The following IQCK variants were observed in gnomAD, a reference collection of about 807,000 sequenced individuals.
IQCK encodes the protein IQ motif containing K.
IQCK carries 29 observed loss-of-function variants against 28.1 expected under a neutral mutation model. That is an observed-to-expected ratio of 1.03 (90% CI 0.77 to 1.41). The LOEUF (loss-of-function observed/expected upper bound fraction) is 1.41, where lower values mean the gene tolerates loss of function less well. IQCK is among the 40% of genes most tolerant of loss of function. The pLI is 0.00. For synonymous variants in IQCK, 113 were observed against 115.1 expected, an observed-to-expected ratio of 0.98 and a Z score of 0.12; for missense variants, 359 against 314.7, an observed-to-expected ratio of 1.14 and a Z score of -1.07.
intron 6 of IQCK, among the ~76,000 whole-genome samples, chr16:19,776,186 G>A (rs990965124): frequency 6.6e-6 from 1 of 151,974 alleles, no homozygotes; most frequent in African/African-American, 2.4e-5. Context: ...TGGCCCACAG[G>A]CATATTTCTA....
At chr16:19,777,403 GATTATA>G (rs901350992) in intron 6 of IQCK, among the ~76,000 whole-genome samples, 79 of 152,226 alleles carry the variant, frequency 5.2e-4, no homozygotes, top group African/African-American at 1.9e-3. Flanking sequence ...TCGTACTAAA[GATTATA>G]ATTAAATGGT....
intron 4 of IQCK, among the ~76,000 whole-genome samples, chr16:19,749,878 A>G (rs566479249): frequency 2.0e-4 from 31 of 152,144 alleles, no homozygotes; most frequent in Non-Finnish European, 4.0e-4. Context: ...GTCTAGTATA[A>G]AGGAAGCTGA....
chr16:19,849,836 G>A (rs910108716), intron 9 of IQCK, among the ~76,000 whole-genome samples: 5 of 152,084 alleles, frequency 3.3e-5, no homozygotes, highest in Non-Finnish European at 7.4e-5. Flanking sequence ...ATTAAATGAA[G>A]GAGCCCAGTT....
chr16:19,726,136 G>C (rs539974247), intron 1 of IQCK, among the ~76,000 whole-genome samples: 1 of 151,746 alleles, frequency 6.6e-6, no homozygotes, highest in Non-Finnish European at 1.5e-5. Flanking sequence ...CGATGGTCTC[G>C]ATCTCCTGAC....
chr16:19,758,032 G>T (rs901081650), intron 4 of IQCK, among the ~76,000 whole-genome samples: 3 of 152,018 alleles, frequency 2.0e-5, no homozygotes, highest in African/African-American at 7.2e-5. Flanking sequence ...TTTAAACCTT[G>T]TTAGAGGCTG....
chr16:19,856,130 G>A (rs1387923110), intron 9 of IQCK, among the ~76,000 whole-genome samples: 1 of 152,230 alleles, frequency 6.6e-6, no homozygotes, highest in Non-Finnish European at 1.5e-5. Context: ...GGAGAACAGG[G>A]TGTGTGGTGA....
Position 19,777,605 on chromosome 16 carries a change from A to G in IQCK, c.606-11233A>G, listed in dbSNP as rs77497443. 3.7e-3 allele frequency among the ~76,000 whole-genome samples: 557 copies of G among 152,306 alleles called. 21 individuals carry two copies. The East Asian group carries it at 0.048, about 13-fold the overall frequency. On this transcript the variant is annotated intron_variant, in intron 6 of 7. Transcript: ENST00000564186. The stretch of plus-strand genomic sequence containing the variant: ...TCATCTTCAAATAGAGGGAGGAAGG[A>G]AAGCTGTTTCCTGAATTTGGGACGT...
chr16:19,840,953 C>T (rs1008552888), intron 9 of IQCK, among the ~76,000 whole-genome samples: 15 of 152,168 alleles, frequency 9.9e-5, no homozygotes, highest in African/African-American at 7.2e-5. Context: ...GTAACGATCC[C>T]GCCCACCAAA....
At chr16:19,723,886 G>A (rs1433064617) in intron 1 of IQCK, among the ~76,000 whole-genome samples, 1 of 151,912 alleles carries the variant, frequency 6.6e-6, no homozygotes, top group African/African-American at 2.4e-5. Flanking sequence ...CTTGAACCTG[G>A]GAGGAGGAGG....
chr16:19,764,175 T>G, intron 6 of IQCK, 63 bp downstream of exon 6: 1 of 1,347,726 alleles, frequency 7.4e-7, no homozygotes, highest in South Asian at 1.3e-5. Context: ...AATAATACTT[T>G]TCTTCCATCT....
chr16:19,824,874 A>G (rs764609279), intron 7 of IQCK, among the ~76,000 whole-genome samples: 2 of 152,156 alleles, frequency 1.3e-5, no homozygotes, highest in African/African-American at 2.4e-5. Flanking sequence ...TGCAGAGGCC[A>G]GTATCTCTCC....
intron 4 of IQCK, among the ~76,000 whole-genome samples, chr16:19,760,044 G>T (rs2055114253): frequency 6.6e-6 from 1 of 152,066 alleles, no homozygotes; most frequent in Non-Finnish European, 1.5e-5. Flanking sequence ...CAGAAGGATT[G>T]CTTGAGCCCA....
chr16:19,821,533 C>G (rs1297541146), intron 7 of IQCK, among the ~76,000 whole-genome samples: 1 of 152,116 alleles, frequency 6.6e-6, no homozygotes, highest in African/African-American at 2.4e-5. Flanking sequence ...AACCCCGTGT[C>G]TACTAAAAAT....
chr16:19,786,922 A>G (rs1281991252), intron 6 of IQCK, among the ~76,000 whole-genome samples: 1 of 78,702 alleles, frequency 1.3e-5, no homozygotes, highest in East Asian at 3.8e-4. Flanking sequence ...AAAGGAAGAA[A>G]TGGAAGAATC....
At chr16:19,733,802 A>G in exon 3 of IQCK, 1 of 1,614,128 alleles carries the variant, frequency 6.2e-7, no homozygotes. Flanking sequence ...CTCAAGATAA[A>G]TCGGAAACAA....
chr16:19,824,068 G>C (rs966298386), intron 7 of IQCK, among the ~76,000 whole-genome samples: 5 of 152,158 alleles, frequency 3.3e-5, no homozygotes, highest in Non-Finnish European at 7.4e-5. Context: ...GGATGGTTTT[G>C]GGATGATACA....
chr16:19,779,823 T>A (rs2055451621), intron 6 of IQCK, among the ~76,000 whole-genome samples: 1 of 151,128 alleles, frequency 6.6e-6, no homozygotes, highest in Non-Finnish European at 1.5e-5. Flanking sequence ...GTTCACGCCA[T>A]TCTCCTGCCT....
At chr16:19,823,370 C>G (rs1187830478) in intron 7 of IQCK, among the ~76,000 whole-genome samples, 2 of 152,146 alleles carry the variant, frequency 1.3e-5, no homozygotes, top group South Asian at 4.1e-4. Context: ...CTGGGTCCTG[C>G]AGGCCTAGCA....
chr16:19,824,935 G>A (rs923156086), intron 7 of IQCK, among the ~76,000 whole-genome samples: 4 of 152,232 alleles, frequency 2.6e-5, no homozygotes, highest in East Asian at 1.9e-4. Context: ...ACTCTAGTTC[G>A]TCCTTCAAAA....
Sources: gnomAD v4.1 joint callset for allele counts (sites outside exome capture counted in the v4.1 genomes callset) on GRCh38, gnomAD v4.1.1 for gene constraint, MANE v1.5 for transcripts, NCBI Gene and HGNC (gene_info 2026-07-23, HGNC 2026-07-21) for gene names.